The following PSMD12 variants were observed in gnomAD, a reference collection of about 807,000 sequenced individuals.
The protein encoded by PSMD12 is 26S proteasome non-ATPase regulatory subunit 12.
In PSMD12, 8 loss-of-function variants were observed where a neutral mutation model predicts 62.9. The ratio of observed to expected loss-of-function variants is 0.13; its 90% confidence interval spans 0.07 to 0.23. The LOEUF (loss-of-function observed/expected upper bound fraction) is 0.23, where lower values mean the gene tolerates loss of function less well. Among genes scored for constraint, PSMD12 ranks in the 10% least tolerant of loss-of-function variants. The pLI is 1.00. For missense variants in PSMD12, 424 were observed against 550.2 expected (o/e 0.77, Z 2.29); for synonymous variants, 173 against 187.4 (o/e 0.92, Z 0.63).
chr17:67,366,343 G>C, intron 1 of PSMD12, 69 bp downstream of exon 1: 1 of 1,447,026 alleles, frequency 6.9e-7, no homozygotes, highest in Admixed American at 1.9e-5. Flanking sequence ...GGCCCCCTGA[G>C]GCCTAAGCAG....
intron 4 of PSMD12, among the ~76,000 whole-genome samples, 172 bp downstream of exon 4, chr17:67,350,057 T>C (rs1334339282): frequency 6.6e-6 from 1 of 152,190 alleles, no homozygotes; most frequent in East Asian, 1.9e-4. Flanking sequence ...ATAGATTCAT[T>C]TGCAGAAAGG....
intron 7 of PSMD12, 128 bp from the exon 8 acceptor site, chr17:67,345,985 C>G (rs1219681003): frequency 1.4e-5 from 11 of 807,752 alleles, no homozygotes; most frequent in Non-Finnish European, 2.1e-5. Context: ...CGCAGTGGCT[C>G]ACGTCTGTAA....
intron 3 of PSMD12, among the ~76,000 whole-genome samples, chr17:67,353,289 C>T (rs1051901746): frequency 3.0e-4 from 45 of 150,124 alleles, no homozygotes; most frequent in African/African-American, 9.3e-4. Context: ...TCCTTCCTTC[C>T]TTTCCTTCCC....
Position 67,357,664 on chromosome 17 carries a change from A to T in PSMD12, c.109-86T>A, listed in dbSNP as rs1057203890. On this transcript the variant is annotated intron_variant, in intron 1 of 10. Transcript: ENST00000356126. ...AAATGAAATGGTTTTGACACAGAAA[A>T]GGAAAAATCAACAGCCTCTTCTAGA... The T allele has an allele frequency of 3.6e-6, 5 of 1,373,158 alleles. No homozygotes were observed. The African/African-American group carries it at 7.2e-5, about 20-fold the overall frequency. 85.1% of individuals were successfully genotyped at this position (1,373,158 alleles called of 1,614,324 possible). A position where few individuals can be genotyped will look rare whatever the true frequency, so the allele number is the denominator to read the frequency against.
At chr17:67,363,320 T>A (rs1293086042) in intron 1 of PSMD12, among the ~76,000 whole-genome samples, 3 of 152,156 alleles carry the variant, frequency 2.0e-5, no homozygotes, top group African/African-American at 7.2e-5. Context: ...CCTGGCTAAT[T>A]TTAAAAATTT....
Position 67,339,938 on chromosome 17 carries a change from CATATA to C in PSMD12, c.*900_*904del. ...AAAAAAAATTAGGTTATCCAGTGTT[CATATA>C]ATGGAACTAAAAGTTCCTACAGAGA... On this transcript the variant is annotated 3_prime_UTR_variant, in exon 11 of 11. Coordinates refer to ENST00000356126, the MANE Select transcript of PSMD12 (RefSeq NM_002816.5). The C allele has an allele frequency of 6.6e-6, 1 of 151,378 alleles. No homozygotes were observed. Among genetic ancestry groups the C allele is most frequent in the African/African-American group, 2.4e-5 (1 of 41,212 alleles). The allele number at this position is 151,378 out of a possible 1,614,324, so 9.4% of individuals were successfully genotyped here.
intron 4 of PSMD12, 78 bp downstream of exon 4, chr17:67,350,151 T>C (rs2042003824): frequency 1.2e-6 from 1 of 838,656 alleles, no homozygotes. Flanking sequence ...ATATACAAAA[T>C]ATCTACATAC....
At chr17:67,351,365 C>T (rs1700004617) in intron 3 of PSMD12, among the ~76,000 whole-genome samples, 1 of 147,602 alleles carries the variant, frequency 6.8e-6, no homozygotes, top group South Asian at 2.1e-4. Context: ...GCACTTCAGC[C>T]TGGGAGACAG....
chr17:67,344,092 T>C (rs1461311775), intron 9 of PSMD12, among the ~76,000 whole-genome samples: 1 of 152,186 alleles, frequency 6.6e-6, no homozygotes, highest in Non-Finnish European at 1.5e-5. Context: ...GTTTGTTACA[T>C]GAAGGAGTGA....
chr17:67,360,866 T>C lies in PSMD12; in HGVS notation c.109-3288A>G, dbSNP rs185209900. On this transcript the variant is annotated intron_variant, in intron 1 of 10. Transcript: ENST00000356126. ...ACAATAAGCAGGATGTGACAAACTA[T>C]ACCGTTGACAATTTAGTGCTATTTG... Among the ~76,000 whole-genome samples the C allele has an allele frequency of 1.6e-4, 24 of 152,362 alleles. 1 individual carries two copies. In the East Asian group the frequency reaches 4.4e-3, roughly 28 times the overall value.
At position 67,339,921 on chromosome 17, in the gene PSMD12, T is replaced by A. The variant is rs1243334572; in HGVS notation, c.*922A>T. The A allele has an allele frequency of 1.3e-5, 2 of 151,694 alleles. No homozygotes were observed. The highest frequency in any genetic ancestry group is 2.9e-5 in the Non-Finnish European group (2 of 67,942). The allele number at this position is 151,694 out of a possible 1,614,324, so 9.4% of individuals were successfully genotyped here. A position where few individuals can be genotyped will look rare whatever the true frequency, so the allele number is the denominator to read the frequency against. On this transcript the variant is annotated 3_prime_UTR_variant, in exon 11 of 11. Coordinates refer to ENST00000356126, the MANE Select transcript of PSMD12 (RefSeq NM_002816.5). ...CATTTTTTTAAAGCATTAAAAAAAA[T>A]TAGGTTATCCAGTGTTCATATAATG...
At chr17:67,343,244 C>A (rs1019309588) in intron 9 of PSMD12, among the ~76,000 whole-genome samples, 1 of 152,208 alleles carries the variant, frequency 6.6e-6, no homozygotes, top group Non-Finnish European at 1.5e-5. Context: ...AAGCATTCTT[C>A]TCTGTGCTTT....
rs919633397 is a variant in PSMD12, at chr17:67,338,890, A to C, written c.*1953T>G. On this transcript the variant is annotated 3_prime_UTR_variant, in exon 11 of 11. Transcript: ENST00000356126. ...AAAAATAAAGAGGAGGAACACTTGC[A>C]ATCTCTATAGCAACCTATTTGGCCA... The C allele has an allele frequency of 9.2e-5, 14 of 152,192 alleles. No individual in the cohort carries two copies. Among genetic ancestry groups the C allele is most frequent in the African/African-American group, 2.7e-4 (11 of 41,450 alleles). The allele number at this position is 152,192 out of a possible 1,614,324, so 9.4% of individuals were successfully genotyped here. A position where few individuals can be genotyped will look rare whatever the true frequency, so the allele number is the denominator to read the frequency against.
At chr17:67,364,477 T>C (rs1257195048) in intron 1 of PSMD12, among the ~76,000 whole-genome samples, 3 of 152,250 alleles carry the variant, frequency 2.0e-5, no homozygotes, top group Non-Finnish European at 4.4e-5. Context: ...GCAAGAGCTT[T>C]GTCTAGTAAT....
intron 8 of PSMD12, among the ~76,000 whole-genome samples, chr17:67,345,165 C>G (rs2041953028): frequency 6.6e-6 from 1 of 152,168 alleles, no homozygotes. Context: ...TGATGAAACT[C>G]TATCAAATAA....
In PSMD12 at chr17:67,351,392, AAATAATAATAAT is replaced by A. The variant is rs56142901; in HGVS notation, c.298-1068_298-1057del. On this transcript the variant is annotated intron_variant, in intron 3 of 10. Coordinates refer to ENST00000356126, the MANE Select transcript of PSMD12 (RefSeq NM_002816.5). ...GGGAGACAGATCGAGACTTGTCTCA[AAATAATAATAAT>A]AATAATAATAATAATAATAATAATA... is the stretch of plus-strand genomic sequence containing the variant. Among the ~76,000 whole-genome samples, 362 of 140,132 alleles carry A rather than the reference AAATAATAATAAT, an allele frequency of 2.6e-3. 4 individuals are homozygous for A. Among genetic ancestry groups the A allele is most frequent in the Admixed American group, 7.1e-3 (98 of 13,776 alleles). 91.9% of individuals were successfully genotyped at this position (140,132 alleles called of 152,430 possible).
chr17:67,355,969 T>TACACACACAC (rs59875246), intron 3 of PSMD12, among the ~76,000 whole-genome samples: 6 of 145,854 alleles, frequency 4.1e-5, no homozygotes, highest in South Asian at 2.2e-4. Context: ...CCCCCATTTC[T>TACACACACAC]ACACACACAC....
rs1189917236 is a variant in PSMD12, at chr17:67,340,863, T to C, written c.1351A>G (p.Met451Val). The C allele has an allele frequency of 6.3e-7, 1 of 1,582,718 alleles. No individual in the cohort carries two copies. Among genetic ancestry groups the C allele is most frequent in the Non-Finnish European group, 8.5e-7 (1 of 1,170,102 alleles). The change falls in exon 11 of 11, where the codon ATG becomes GTG. Residue 451 changes from methionine to valine, a missense_variant. Coordinates refer to ENST00000356126, the MANE Select transcript of PSMD12 (RefSeq NM_002816.5). ...KTTHLIAKEE[M>V]IHNLQ Reference sequence around the variant, plus strand: ...GACCCTTATTGTAGATTATGTATCATCTCCTCTTTGGCTATGAGATGCGTA... The same window carrying C: ...GACCCTTATTGTAGATTATGTATCACCTCCTCTTTGGCTATGAGATGCGTA...
chr17:67,344,950 C>T (rs749462056), intron 8 of PSMD12, among the ~76,000 whole-genome samples, 170 bp from the exon 9 acceptor site: 37 of 152,126 alleles, frequency 2.4e-4, no homozygotes, highest in Non-Finnish European at 4.3e-4. Context: ...ACCATTTTTC[C>T]CACAGTAGTT....
Sources: allele counts gnomAD v4.1 joint callset (sites outside exome capture counted in the v4.1 genomes callset), GRCh38; gene constraint gnomAD v4.1.1; transcripts MANE v1.5; gene names NCBI Gene and HGNC (gene_info 2026-07-23, HGNC 2026-07-21).